The following TCF12 variants were observed in gnomAD, a reference collection of about 807,000 sequenced individuals.
TCF12 encodes transcription factor 12, also known as DNA-binding protein HTF4.
TCF12 carries 45 observed loss-of-function variants against 86.0 expected under a neutral mutation model. That is an observed-to-expected ratio of 0.52 (90% CI 0.41 to 0.67). The LOEUF is 0.67. Among genes scored for constraint, TCF12 ranks in the 30% least tolerant of loss-of-function variants. The probability of loss-of-function intolerance (pLI) is 0.00; values close to 1 mark genes in which losing one functional copy is unlikely to be tolerated. For synonymous variants in TCF12, 330 were observed against 299.6 expected (o/e 1.10, Z -1.05); for missense variants, 881 against 859.9 (o/e 1.02, Z -0.31).
chr15:57,204,370 G>C (rs2057708373), intron 8 of TCF12, among the ~76,000 whole-genome samples: 1 of 151,498 alleles, frequency 6.6e-6, no homozygotes, highest in African/African-American at 2.4e-5. Context: ...AGTATCTCTT[G>C]ATACTCCTGA....
chr15:57,144,060 A>G (rs1405487332), intron 5 of TCF12, among the ~76,000 whole-genome samples: 3 of 152,228 alleles, frequency 2.0e-5, no homozygotes, highest in Non-Finnish European at 2.9e-5. Context: ...TTAGGATAGC[A>G]TATCCTGATC....
At position 57,193,775 on chromosome 15, in the gene TCF12, A is replaced by AGGGCACTATGAT. The variant is rs1180099563; in HGVS notation, c.526+1483_526+1494dup. Among the ~76,000 whole-genome samples, 4 of 152,322 alleles carry AGGGCACTATGAT rather than the reference A, an allele frequency of 2.6e-5. No homozygotes were observed. The East Asian group carries it at 5.8e-4, about 22-fold the overall frequency. On this transcript the variant is annotated intron_variant, in intron 7 of 20. Coordinates refer to ENST00000333725, the MANE Select transcript of TCF12 (RefSeq NM_207037.2). ...TCTAGGGTTTGCTTGTGGGTATAAA[A>AGGGCACTATGAT]GGGCACTATGATAGATCATCATATT...
At chr15:57,249,556 C>G (rs1438734409) in intron 13 of TCF12, among the ~76,000 whole-genome samples, 1 of 152,076 alleles carries the variant, frequency 6.6e-6, no homozygotes. Context: ...TTTCAACTTG[C>G]AAAATGTGTA....
chr15:56,942,631 C>A (rs1312925209), intron 3 of TCF12, among the ~76,000 whole-genome samples: 2 of 86,388 alleles, frequency 2.3e-5, no homozygotes, highest in South Asian at 9.6e-4. Context: ...GAACAAGTTG[C>A]TTTAGTATCG....
In TCF12 at chr15:57,232,199, C is replaced by T; in HGVS notation, c.686-92C>T. On this transcript the variant is annotated intron_variant, in intron 9 of 20. Coordinates refer to ENST00000333725, the MANE Select transcript of TCF12 (RefSeq NM_207037.2). ...AGGTTGGAAAAGGGAGGAAAAATAT[C>T]TGGAGGGTACCCCTTGAATTTTTAT... 3 of 1,433,988 alleles carry T rather than the reference C, an allele frequency of 2.1e-6. 1 individual carries two copies. The African/African-American group carries it at 4.3e-5, about 20-fold the overall frequency. The allele number at this position is 1,433,988 out of a possible 1,614,324, so 88.8% of individuals were successfully genotyped here.
chr15:57,171,131 C>T (rs1053023716), intron 6 of TCF12, among the ~76,000 whole-genome samples: 1 of 151,324 alleles, frequency 6.6e-6, no homozygotes, highest in Non-Finnish European at 1.5e-5. Context: ...ATCAGGAAGG[C>T]CTATGGAAAA....
intron 3 of TCF12, among the ~76,000 whole-genome samples, chr15:56,990,193 A>G (rs1452363137): frequency 1.5e-5 from 2 of 129,920 alleles, no homozygotes; most frequent in African/African-American, 2.9e-5. Flanking sequence ...ACCATTTTCA[A>G]CTTAATGTGA....
chr15:57,049,263 A>T (rs1457660474), intron 3 of TCF12, among the ~76,000 whole-genome samples: 1 of 152,146 alleles, frequency 6.6e-6, no homozygotes, highest in African/African-American at 2.4e-5. Flanking sequence ...TTCAACTCAT[A>T]GGTTGAGCAT....
intron 3 of TCF12, among the ~76,000 whole-genome samples, chr15:57,030,076 A>G (rs945541684): frequency 7.3e-5 from 11 of 151,282 alleles, no homozygotes; most frequent in African/African-American, 2.7e-4. Context: ...TTTCATTTCT[A>G]GTTTTCATTT....
chr15:57,246,924 C>G (rs1372519502), intron 13 of TCF12: 2 of 517,134 alleles, frequency 3.9e-6, no homozygotes, highest in Non-Finnish European at 3.8e-6. Context: ...CTCGTTCTCT[C>G]TCCTGCTAAG....
chr15:57,076,640 A>G lies in TCF12; in HGVS notation c.222+12817A>G, dbSNP rs577120265. Among the ~76,000 whole-genome samples, 98 of 145,278 alleles carry G rather than the reference A, an allele frequency of 6.7e-4. 2 individuals carry two copies. In the East Asian group the frequency reaches 0.019, roughly 28 times the overall value. On this transcript the variant is annotated intron_variant, in intron 4 of 20. Transcript: ENST00000333725. Reference sequence around the variant, plus strand: ...TGCACTCCAGCCTGGCTCTGTCTCAAAAAAAAAAAAAAGAAAAGAAAGGAA... The same window carrying G: ...TGCACTCCAGCCTGGCTCTGTCTCAGAAAAAAAAAAAAGAAAAGAAAGGAA...
At chr15:56,951,087 T>C (rs949488556) in intron 3 of TCF12, among the ~76,000 whole-genome samples, 1 of 152,152 alleles carries the variant, frequency 6.6e-6, no homozygotes, top group African/African-American at 2.4e-5. Flanking sequence ...AGTCTTTATG[T>C]GGACATTCAT....
At chr15:57,150,745 C>A in intron 5 of TCF12, among the ~76,000 whole-genome samples, 2 of 152,104 alleles carry the variant, frequency 1.3e-5, no homozygotes, top group South Asian at 4.2e-4. Context: ...TTTATAAATA[C>A]GCTTGATAGC....
At chr15:57,245,177 A>G (rs185364274) in intron 13 of TCF12, among the ~76,000 whole-genome samples, 27 of 152,274 alleles carry the variant, frequency 1.8e-4, no homozygotes, top group Admixed American at 9.8e-4. Context: ...GCCATCACCT[A>G]TGCTTTGTGT....
chr15:57,082,253 G>C (rs2048360564), intron 4 of TCF12, among the ~76,000 whole-genome samples: 1 of 152,172 alleles, frequency 6.6e-6, no homozygotes, highest in Non-Finnish European at 1.5e-5. Flanking sequence ...TTACGGCCAT[G>C]GGTCAGATTC....
chr15:57,077,081 T>C (rs991678106), intron 4 of TCF12, among the ~76,000 whole-genome samples: 7 of 152,170 alleles, frequency 4.6e-5, no homozygotes, highest in African/African-American at 1.7e-4. Context: ...TATCAGGTAG[T>C]GTAAGTCTTC....
At chr15:56,989,569 T>C (rs1482552582) in intron 3 of TCF12, among the ~76,000 whole-genome samples, 3 of 152,214 alleles carry the variant, frequency 2.0e-5, no homozygotes, top group African/African-American at 7.2e-5. Context: ...TCTGTCTTTC[T>C]AAATCTTTCT....
chr15:57,037,045 T>TAAGTGATTTA (rs2066545853), intron 3 of TCF12, among the ~76,000 whole-genome samples: 1 of 152,174 alleles, frequency 6.6e-6, no homozygotes. Context: ...GACAAGCAGG[T>TAAGTGATTTA]AAGTGATTTA....
At chr15:57,026,264 C>T in intron 3 of TCF12, among the ~76,000 whole-genome samples, 1 of 152,182 alleles carries the variant, frequency 6.6e-6, no homozygotes, top group East Asian at 1.9e-4. Context: ...TGGATTTCAC[C>T]AGCCAATAGT....
Sources: allele counts gnomAD v4.1 joint callset (sites outside exome capture counted in the v4.1 genomes callset), GRCh38; gene constraint gnomAD v4.1.1; transcripts MANE v1.5; gene names NCBI Gene and HGNC (gene_info 2026-07-23, HGNC 2026-07-21).